Variants in DLGAP1 observed in about 807,000 individuals in gnomAD.
DLGAP1 encodes the protein disks large-associated protein 1.
Under a neutral mutation model 90.8 loss-of-function variants are expected in DLGAP1, and 11 were observed. The observed-to-expected ratio is 0.12, with a 90% CI of 0.08 to 0.20. The LOEUF (loss-of-function observed/expected upper bound fraction) is 0.20. Among genes scored for constraint, DLGAP1 ranks in the 10% least tolerant of loss-of-function variants. The probability of loss-of-function intolerance (pLI) is 1.00; values close to 1 mark genes in which losing one functional copy is unlikely to be tolerated. For missense variants in DLGAP1, 1,050 were observed against 1,333.8 expected, an observed-to-expected ratio of 0.79 and a Z score of 3.31; for synonymous variants, 558 against 540.7, an observed-to-expected ratio of 1.03 and a Z score of -0.44.
intron 9 of DLGAP1, among the ~76,000 whole-genome samples, chr18:3,547,020 A>C (rs2053071819): frequency 6.6e-6 from 1 of 151,740 alleles, no homozygotes; most frequent in Non-Finnish European, 1.5e-5. Flanking sequence ...CAGAAATGAG[A>C]GCCGGGCGCG....
At chr18:3,635,686 T>C (rs1317907907) in intron 7 of DLGAP1, among the ~76,000 whole-genome samples, 1 of 151,546 alleles carries the variant, frequency 6.6e-6, no homozygotes, top group Non-Finnish European at 1.5e-5. Flanking sequence ...TCTCTTGGAA[T>C]GTAACCCCCT....
chr18:4,070,571 C>T (rs1051966381), intron 2 of DLGAP1, among the ~76,000 whole-genome samples: 10 of 151,926 alleles, frequency 6.6e-5, no homozygotes, highest in East Asian at 3.9e-4. Context: ...TCTTCATTTT[C>T]CAAGATCTAT....
At chr18:3,599,839 G>C (rs369406778) in intron 7 of DLGAP1, among the ~76,000 whole-genome samples, 1 of 151,944 alleles carries the variant, frequency 6.6e-6, no homozygotes, top group African/African-American at 2.4e-5. Context: ...GGATGGTCTC[G>C]ATCTCTTGAC....
intron 7 of DLGAP1, among the ~76,000 whole-genome samples, chr18:3,647,224 A>G (rs2059153155): frequency 6.6e-6 from 1 of 151,944 alleles, no homozygotes; most frequent in African/African-American, 2.4e-5. Context: ...ATTGCACTCC[A>G]GCCTGGGCAA....
At chr18:3,938,160 G>T (rs2072683938) in intron 3 of DLGAP1, among the ~76,000 whole-genome samples, 1 of 152,136 alleles carries the variant, frequency 6.6e-6, no homozygotes, top group Non-Finnish European at 1.5e-5. Context: ...CGTTAAAAAA[G>T]GGCAATAGTT....
chr18:3,749,706 T>G (rs949415254), intron 5 of DLGAP1, among the ~76,000 whole-genome samples: 2 of 152,202 alleles, frequency 1.3e-5, no homozygotes, highest in Non-Finnish European at 2.9e-5. Flanking sequence ...AAGTAACTAC[T>G]GTACATTTCT....
chr18:3,675,145 C>T (rs112999267), intron 7 of DLGAP1, among the ~76,000 whole-genome samples: 14 of 152,122 alleles, frequency 9.2e-5, no homozygotes, highest in East Asian at 1.9e-4. Flanking sequence ...GATCTCGGCT[C>T]GCTGCAATCT....
chr18:4,333,749 A>G (rs1252395316), intron 1 of DLGAP1, among the ~76,000 whole-genome samples: 2 of 150,260 alleles, frequency 1.3e-5, no homozygotes, highest in Admixed American at 1.3e-4. Context: ...CCTCCCCAGT[A>G]GCTGGAACTA....
chr18:3,896,654 G>C (rs1304234477), intron 3 of DLGAP1: 3 of 152,398 alleles, frequency 2.0e-5, no homozygotes, highest in Non-Finnish European at 2.9e-5. Context: ...GGTGTGCTGA[G>C]TACTGTGGAC....
chr18:3,742,230 G>C (rs1038103811), intron 6 of DLGAP1, 105 bp downstream of exon 6: 2 of 1,354,858 alleles, frequency 1.5e-6, no homozygotes, highest in Non-Finnish European at 2.0e-6. Flanking sequence ...ATCCATCAAT[G>C]GTCTACTGGA....
At chr18:4,447,234 G>A (rs570459045) in intron 1 of DLGAP1, among the ~76,000 whole-genome samples, 1 of 150,914 alleles carries the variant, frequency 6.6e-6, no homozygotes, top group Non-Finnish European at 1.5e-5. Context: ...GCCTTATTTG[G>A]AAACATCTTA....
At chr18:3,814,549 G>A (rs956561146) in intron 4 of DLGAP1, among the ~76,000 whole-genome samples, 1 of 151,976 alleles carries the variant, frequency 6.6e-6, no homozygotes, top group African/African-American at 2.4e-5. Flanking sequence ...TTTCAGTAGA[G>A]ACGGGGTTTC....
At chr18:3,533,030 G>T (rs1336709956) in intron 10 of DLGAP1, among the ~76,000 whole-genome samples, 1 of 152,162 alleles carries the variant, frequency 6.6e-6, no homozygotes, top group Admixed American at 6.5e-5. Flanking sequence ...GGTGGCTCAT[G>T]CCTGTAATCC....
At chr18:4,448,960 C>A (rs910818430) in intron 1 of DLGAP1, among the ~76,000 whole-genome samples, 1 of 152,138 alleles carries the variant, frequency 6.6e-6, no homozygotes, top group Non-Finnish European at 1.5e-5. Context: ...TCTTTGAGTC[C>A]TTGGTGAACT....
chr18:3,600,837 G>T (rs1568278551), intron 7 of DLGAP1, among the ~76,000 whole-genome samples: 5 of 58,760 alleles, frequency 8.5e-5, no homozygotes, highest in East Asian at 3.8e-4. Flanking sequence ...GATATATATA[G>T]ATATATATAG....
chr18:4,008,589 T>C (rs2074352875), intron 2 of DLGAP1, among the ~76,000 whole-genome samples: 1 of 152,114 alleles, frequency 6.6e-6, no homozygotes, highest in South Asian at 2.1e-4. Context: ...AAAATGAAAA[T>C]CATTTTTCAT....
intron 3 of DLGAP1, among the ~76,000 whole-genome samples, chr18:3,994,003 A>G (rs1326513906): frequency 6.6e-6 from 1 of 152,102 alleles, no homozygotes; most frequent in East Asian, 1.9e-4. Context: ...GAATGTGGTG[A>G]GTGAAGTAAA....
intron 2 of DLGAP1, among the ~76,000 whole-genome samples, chr18:4,048,526 T>C (rs539794205): frequency 6.6e-6 from 1 of 152,174 alleles, no homozygotes; most frequent in Non-Finnish European, 1.5e-5. Context: ...ACTCATCCAG[T>C]GTAATAATTT....
chr18:3,561,610 C>T lies in DLGAP1; in HGVS notation c.2057+5880G>A, dbSNP rs117037278. ...AGTCTTTATTTTTCTTTCACTTTTA[C>T]GGATAATTTCACAGGGTACAAAATT... On this transcript the variant is annotated intron_variant, in intron 9 of 12. Transcript: ENST00000315677. 7.3e-5 allele frequency among the ~76,000 whole-genome samples: 11 copies of T among 150,696 alleles called. No individual in the cohort carries two copies. In the East Asian group the frequency reaches 1.2e-3, roughly 16 times the overall value.
Sources: gnomAD v4.1 joint callset for allele counts (sites outside exome capture counted in the v4.1 genomes callset) on GRCh38, gnomAD v4.1.1 for gene constraint, MANE v1.5 for transcripts, NCBI Gene and HGNC (gene_info 2026-07-23, HGNC 2026-07-21) for gene names.